The following C11orf65 variants were observed in gnomAD, a reference collection of about 807,000 sequenced individuals.
The protein encoded by C11orf65 is chromosome 11 open reading frame 65, also known as protein MFI.
A neutral mutation model predicts 35.3 loss-of-function variants in C11orf65; 38 were observed. That is an observed-to-expected ratio of 1.08 (90% confidence interval 0.83 to 1.41). The LOEUF (loss-of-function observed/expected upper bound fraction) is 1.41. Among genes scored for constraint, C11orf65 ranks in the 40% most tolerant of loss-of-function variants. The probability of loss-of-function intolerance (pLI) is 0.00; values close to 1 mark genes in which losing one functional copy is unlikely to be tolerated. For synonymous variants in C11orf65, 105 were observed against 114.4 expected, an observed-to-expected ratio of 0.92 and a Z score of 0.53; for missense variants, 370 against 367.1, an observed-to-expected ratio of 1.01 and a Z score of -0.06.
At chr11:108,391,560 G>T (rs772753622) in intron 7 of C11orf65, among the ~76,000 whole-genome samples, 12 of 152,112 alleles carry the variant, frequency 7.9e-5, no homozygotes, top group Non-Finnish European at 1.3e-4. Flanking sequence ...TGTATTTTTA[G>T]TAGAGACAGG....
chr11:108,311,463 A>G (rs1277941163), intron 6 of C11orf65, among the ~76,000 whole-genome samples: 4 of 152,168 alleles, frequency 2.6e-5, no homozygotes, highest in African/African-American at 7.2e-5. Context: ...TGGGAGGCCA[A>G]AGTGAGAGGA....
At chr11:108,340,143 C>CT (rs377163974) in intron 2 of C11orf65, 110 of 150,294 alleles carry the variant, frequency 7.3e-4, no homozygotes, top group African/African-American at 2.5e-3. Context: ...AGACTGAAAC[C>CT]TAGAGGCTTT....
intron 2 of C11orf65, among the ~76,000 whole-genome samples, chr11:108,444,429 A>G (rs1414793273): frequency 6.6e-6 from 1 of 152,158 alleles, no homozygotes; most frequent in African/African-American, 2.4e-5. Flanking sequence ...AACTATCCCA[A>G]TCAATAGAAA....
rs876660062 is a variant in C11orf65, at chr11:108,315,878, G to A, written c.641-6807C>T. ...GGGGAGCCAGATAGTTTGTATGGCT[G>A]TGGTGGAGGGAAGATGTTACAACCC... On this transcript the variant is annotated intron_variant, in intron 6 of 6. Transcript: ENST00000525729. The A allele has an allele frequency of 1.9e-6, 3 of 1,612,960 alleles. No homozygotes were observed. The highest frequency in any genetic ancestry group is 2.5e-6 in the Non-Finnish European group (3 of 1,179,058).
At chr11:108,442,855 C>G (rs530374091) in intron 2 of C11orf65, among the ~76,000 whole-genome samples, 1 of 152,316 alleles carries the variant, frequency 6.6e-6, no homozygotes, top group South Asian at 2.1e-4. Flanking sequence ...CAACCAGTAC[C>G]AGCCACTGCA....
chr11:108,357,822 A>G (rs1352630164), intron 2 of C11orf65, among the ~76,000 whole-genome samples: 1 of 151,932 alleles, frequency 6.6e-6, no homozygotes, highest in Non-Finnish European at 1.5e-5. Context: ...GACCAAAAGT[A>G]GATAAAACCA....
intron 2 of C11orf65, among the ~76,000 whole-genome samples, chr11:108,362,591 C>T (rs2090900712): frequency 6.7e-6 from 1 of 149,874 alleles, no homozygotes; most frequent in African/African-American, 2.5e-5. Flanking sequence ...AAATGTAGCA[C>T]ATATACACCA....
At chr11:108,457,726 T>C (rs937601811) in intron 2 of C11orf65, among the ~76,000 whole-genome samples, 2 of 152,214 alleles carry the variant, frequency 1.3e-5, no homozygotes, top group Admixed American at 6.5e-5. Context: ...TTTTTCATAA[T>C]AAATTATTCT....
intron 8 of C11orf65, among the ~76,000 whole-genome samples, chr11:108,384,910 G>A (rs771246198): frequency 2.6e-5 from 4 of 152,126 alleles, no homozygotes; most frequent in Non-Finnish European, 4.4e-5. Flanking sequence ...AATTATTGGC[G>A]TTTCTGGGGT....
At chr11:108,318,251 A>T (rs920437316) in intron 6 of C11orf65, among the ~76,000 whole-genome samples, 2 of 152,108 alleles carry the variant, frequency 1.3e-5, no homozygotes, top group Non-Finnish European at 2.9e-5. Context: ...AGTCCCAGCT[A>T]CTTGGGAGCC....
intron 2 of C11orf65, among the ~76,000 whole-genome samples, chr11:108,449,327 A>G (rs551809729): frequency 6.6e-5 from 10 of 152,102 alleles, no homozygotes; most frequent in African/African-American, 2.4e-4. Flanking sequence ...CACATAGCCA[A>G]GTGAATCCTA....
Position 108,317,646 on chromosome 11 carries a change from TATATATACACAC to T in C11orf65, c.641-8587_641-8576del, listed in dbSNP as rs1451025469. 4.3e-3 allele frequency: 615 copies of T among 141,892 alleles called. 3 individuals are homozygous for T. The highest frequency in any genetic ancestry group is 5.5e-3 in the Non-Finnish European group (444 of 81,402). 8.8% of individuals were successfully genotyped at this position (141,892 alleles called of 1,614,324 possible). A position where few individuals can be genotyped will look rare whatever the true frequency, so the allele number is the denominator to read the frequency against. ...ATATATATATATATATATATATATA[TATATATACACAC>T]ACACACACACACACACTATATATAT... is the stretch of plus-strand genomic sequence containing the variant. On this transcript the variant is annotated intron_variant, in intron 6 of 6. Transcript: ENST00000525729.
intron 6 of C11orf65, among the ~76,000 whole-genome samples, chr11:108,323,157 G>A (rs2085353910): frequency 6.6e-6 from 1 of 152,164 alleles, no homozygotes; most frequent in Non-Finnish European, 1.5e-5. Context: ...AAATTTTAGA[G>A]TCAGAAGAAA....
At chr11:108,392,505 C>G (rs966008292) in intron 7 of C11orf65, among the ~76,000 whole-genome samples, 1 of 151,980 alleles carries the variant, frequency 6.6e-6, no homozygotes, top group Non-Finnish European at 1.5e-5. Context: ...CATGTATTTC[C>G]CCTTCTCTTG....
chr11:108,308,824 C>T, exon 7 of C11orf65: 2 of 553,580 alleles, frequency 3.6e-6, no homozygotes, highest in South Asian at 5.0e-5. Flanking sequence ...TTATGCTTTT[C>T]AGTGTCTTTG....
intron 2 of C11orf65, among the ~76,000 whole-genome samples, chr11:108,434,059 G>A (rs2093030527): frequency 6.6e-6 from 1 of 152,204 alleles, no homozygotes; most frequent in Non-Finnish European, 1.5e-5. Flanking sequence ...TGTGTCGTAT[G>A]TGAATGCTCA....
intron 5 of C11orf65, 44 bp from the exon 6 acceptor site, chr11:108,405,603 A>C: frequency 6.3e-7 from 1 of 1,593,476 alleles, no homozygotes; most frequent in East Asian, 2.2e-5. Context: ...TGAAATATCG[A>C]TTGTGAGGTT....
chr11:108,457,953 A>T (rs895887327), intron 2 of C11orf65, among the ~76,000 whole-genome samples: 4 of 152,082 alleles, frequency 2.6e-5, no homozygotes, highest in African/African-American at 9.7e-5. Flanking sequence ...TTCTCTTCAC[A>T]TCTTAGAACA....
chr11:108,437,618 C>T (rs1053224628), intron 2 of C11orf65, among the ~76,000 whole-genome samples: 4 of 137,888 alleles, frequency 2.9e-5, no homozygotes, highest in African/African-American at 8.2e-5. Flanking sequence ...GCAGGAGAAT[C>T]GCTTGAATCC....
Sources: allele counts gnomAD v4.1 joint callset (sites outside exome capture counted in the v4.1 genomes callset), GRCh38; gene constraint gnomAD v4.1.1; transcripts MANE v1.5; gene names NCBI Gene and HGNC (gene_info 2026-07-23, HGNC 2026-07-21).